The following NPSR1 variants were observed in gnomAD, a reference collection of about 807,000 sequenced individuals.
The protein encoded by NPSR1 is neuropeptide S receptor 1.
Under a neutral mutation model 46.9 loss-of-function variants are expected in NPSR1, and 48 were observed. That is an observed-to-expected ratio of 1.02 (90% CI 0.81 to 1.30). The LOEUF is 1.30. Ranked by LOEUF, NPSR1 falls within the 50% of genes most tolerant of loss-of-function variation. NPSR1 has a pLI of 0.00. For synonymous variants in NPSR1, 176 were observed against 168.1 expected, an observed-to-expected ratio of 1.05 and a Z score of -0.36; for missense variants, 450 against 449.5, an observed-to-expected ratio of 1.00 and a Z score of -0.01.
intron 1 of NPSR1, among the ~76,000 whole-genome samples, chr7:34,678,079 C>T (rs1792410238): frequency 6.6e-6 from 1 of 152,188 alleles, no homozygotes; most frequent in African/African-American, 2.4e-5. Context: ...AGTGCTTTAA[C>T]TTTTCTCTTC....
chr7:34,729,001 T>G (rs1031240228), intron 2 of NPSR1, among the ~76,000 whole-genome samples: 1 of 152,240 alleles, frequency 6.6e-6, no homozygotes, highest in Non-Finnish European at 1.5e-5. Flanking sequence ...CCACAATTTC[T>G]GACCTAAGAA....
chr7:34,732,081 A>C (rs75010988), intron 2 of NPSR1, among the ~76,000 whole-genome samples: 5 of 34,138 alleles, frequency 1.5e-4, no homozygotes, highest in Non-Finnish European at 1.9e-4. Flanking sequence ...CTTCATCTCA[A>C]AAAAAAAAAA....
intron 2 of NPSR1, among the ~76,000 whole-genome samples, chr7:34,735,709 C>A (rs1784636799): frequency 6.6e-6 from 1 of 152,166 alleles, no homozygotes; most frequent in African/African-American, 2.4e-5. Flanking sequence ...TTGATACTCT[C>A]CCCTGAGGAA....
chr7:34,700,918 A>G (rs1242639562), intron 2 of NPSR1, among the ~76,000 whole-genome samples: 1 of 152,232 alleles, frequency 6.6e-6, no homozygotes, highest in African/African-American at 2.4e-5. Context: ...TGCTATAGTT[A>G]TTTCATTCAC....
intron 2 of NPSR1, among the ~76,000 whole-genome samples, chr7:34,725,204 A>T (rs1784082662): frequency 6.6e-6 from 1 of 152,138 alleles, no homozygotes; most frequent in South Asian, 2.1e-4. Flanking sequence ...CAACTTTCAT[A>T]ACCATTGCTG....
chr7:34,770,256 T>C lies in NPSR1; in HGVS notation c.281-8206T>C, dbSNP rs1023082312. On this transcript the variant is annotated intron_variant, in intron 2 of 8. Transcript: ENST00000360581. ...CCATTCCGTTCATTCATCCAGTCCA[T>C]TTGTGCCATGAAAATCTTCATGACA... Among the ~76,000 whole-genome samples the C allele has an allele frequency of 3.3e-5, 5 of 152,186 alleles. No individual in the cohort carries two copies. The South Asian group carries it at 1.0e-3, about 31-fold the overall frequency.
chr7:34,755,129 G>T (rs978985448), intron 2 of NPSR1, among the ~76,000 whole-genome samples: 6 of 152,126 alleles, frequency 3.9e-5, no homozygotes, highest in African/African-American at 1.4e-4. Context: ...TTTTTCTCTT[G>T]GGTATGTAAC....
rs1301586831 is a variant in NPSR1 at position 34,778,518 on chromosome 7, G to C, written c.337G>C (p.Asp113His). 1.2e-6 allele frequency: 2 copies of C among 1,613,036 alleles called. No individual in the cohort carries two copies. Among genetic ancestry groups the C allele is most frequent in the South Asian group, 1.1e-5 (1 of 91,016 alleles). Residue 113 changes from aspartate (D) to histidine (H), a missense_variant, in exon 3 of 9, where the codon GAC (aspartate) becomes CAC (histidine). Coordinates refer to ENST00000360581, the MANE Select transcript of NPSR1 (RefSeq NM_207172.2). ...AGATATTAATTGGCGATTCACTGGA[G>C]ACTTCACGGCACCTGACCTGGTTTG... ...LTDINWRFTG[D>H]FTAPDLVCRV...
intron 1 of NPSR1, among the ~76,000 whole-genome samples, chr7:34,672,921 G>A (rs995988984): frequency 6.6e-6 from 1 of 152,160 alleles, no homozygotes; most frequent in Non-Finnish European, 1.5e-5. Flanking sequence ...TTCAGACCGA[G>A]CTCCAGCTTG....
intron 2 of NPSR1, among the ~76,000 whole-genome samples, chr7:34,716,766 G>A (rs1783594815): frequency 6.6e-6 from 1 of 151,984 alleles, no homozygotes; most frequent in South Asian, 2.1e-4. Flanking sequence ...TCTCCCCTTT[G>A]TACACCTGCT....
intron 2 of NPSR1, among the ~76,000 whole-genome samples, chr7:34,777,359 G>C (rs973812232): frequency 1.3e-5 from 2 of 152,086 alleles, no homozygotes; most frequent in African/African-American, 4.8e-5. Flanking sequence ...TGCTATAATA[G>C]GACAGCACTA....
intron 7 of NPSR1, among the ~76,000 whole-genome samples, chr7:34,847,371 G>T (rs1169826390): frequency 6.6e-6 from 1 of 151,350 alleles, no homozygotes; most frequent in Non-Finnish European, 1.5e-5. Flanking sequence ...GTTTAGCTCT[G>T]TGTCGTAGTC....
chr7:34,820,389 G>T (rs1789494033), intron 4 of NPSR1, among the ~76,000 whole-genome samples: 1 of 152,124 alleles, frequency 6.6e-6, no homozygotes, highest in African/African-American at 2.4e-5. Context: ...GAAGGGTTGA[G>T]ACCTGTACCA....
At chr7:34,785,389 G>C (rs1444332610) in intron 3 of NPSR1, among the ~76,000 whole-genome samples, 2 of 110,516 alleles carry the variant, frequency 1.8e-5, no homozygotes, top group African/African-American at 7.0e-5. Flanking sequence ...TGTGGGGTGG[G>C]GGGAGGGGGG....
intron 4 of NPSR1, among the ~76,000 whole-genome samples, chr7:34,823,399 G>GAAAAAGAAAAAGAAAAAAAAA (rs1554336128): frequency 1.5e-5 from 1 of 68,272 alleles, no homozygotes; most frequent in African/African-American, 5.1e-5. Flanking sequence ...GACTTCACCA[G>GAAAAAGAAAAAGAAAAAAAAA]AAAAAAAAAA....
intron 2 of NPSR1, chr7:34,750,812 T>C (rs1785480300): frequency 5.8e-6 from 4 of 693,180 alleles, no homozygotes; most frequent in South Asian, 4.1e-5. Context: ...TTAGGCTGTG[T>C]GGAACCGCTG....
chr7:34,769,477 C>T (rs188024120), intron 2 of NPSR1, among the ~76,000 whole-genome samples: 1 of 152,278 alleles, frequency 6.6e-6, no homozygotes, highest in Admixed American at 6.5e-5. Flanking sequence ...ATGTGAGACC[C>T]AGAAGTCTGG....
chr7:34,778,386 T>C (rs762160160), intron 2 of NPSR1, 76 bp from the exon 3 acceptor site: 7 of 832,272 alleles, frequency 8.4e-6, no homozygotes, highest in Non-Finnish European at 1.3e-5. Context: ...TTCATTTCTA[T>C]TGTGGCTTAG....
At chr7:34,832,072 A>T (rs530890799) in intron 5 of NPSR1, among the ~76,000 whole-genome samples, 11 of 152,328 alleles carry the variant, frequency 7.2e-5, no homozygotes, top group African/African-American at 2.4e-4. Context: ...AAAGAGGATC[A>T]CAGGGCCCAC....
Sources: allele counts gnomAD v4.1 joint callset (sites outside exome capture counted in the v4.1 genomes callset), GRCh38; gene constraint gnomAD v4.1.1; transcripts MANE v1.5; gene names NCBI Gene and HGNC (gene_info 2026-07-23, HGNC 2026-07-21).